The following TLN2 variants were observed in gnomAD, a reference collection of about 807,000 sequenced individuals.
The protein encoded by TLN2 is talin-2.
Under a neutral mutation model 294.7 loss-of-function variants are expected in TLN2, and 118 were observed. That is an observed-to-expected ratio of 0.40 (90% CI 0.34 to 0.47). TLN2 has a LOEUF of 0.47. Ranked by LOEUF, TLN2 falls within the 20% of genes least tolerant of loss-of-function variation. TLN2 has a pLI of 0.84. For missense variants in TLN2, 3,083 were observed against 3,282.2 expected, an observed-to-expected ratio of 0.94 and a Z score of 1.48; for synonymous variants, 1,431 against 1,304.5, an observed-to-expected ratio of 1.10 and a Z score of -2.09.
At chr15:62,462,719 C>G (rs1396655150) in intron 1 of TLN2, among the ~76,000 whole-genome samples, 2 of 152,170 alleles carry the variant, frequency 1.3e-5, no homozygotes, top group African/African-American at 4.8e-5. Context: ...CAGCTGGGCT[C>G]TGGGCTTCCC....
At chr15:62,393,942 A>G (rs906629002) in intron 1 of TLN2, among the ~76,000 whole-genome samples, 17 of 151,272 alleles carry the variant, frequency 1.1e-4, no homozygotes, top group African/African-American at 4.1e-4. Flanking sequence ...TGCCCAGCTA[A>G]TTTTTGTATT....
At chr15:62,396,764 G>C (rs2032583563) in intron 1 of TLN2, among the ~76,000 whole-genome samples, 1 of 151,998 alleles carries the variant, frequency 6.6e-6, no homozygotes, top group African/African-American at 2.4e-5. Flanking sequence ...GAGTGCAGTG[G>C]CATGATCTTG....
At chr15:62,665,518 C>T (rs765582866) in intron 9 of TLN2, among the ~76,000 whole-genome samples, 1 of 152,168 alleles carries the variant, frequency 6.6e-6, no homozygotes, top group Non-Finnish European at 1.5e-5. Flanking sequence ...AAGAAATTGT[C>T]CAAGGGCTGA....
chr15:62,411,430 TGTGTGTGTG>T (rs1168641732), intron 1 of TLN2, among the ~76,000 whole-genome samples: 1 of 8,736 alleles, frequency 1.1e-4, no homozygotes, highest in African/African-American at 2.0e-4. Context: ...GAGTAATGGA[TGTGTGTGTG>T]TGTGTGTGTG....
At position 62,468,757 on chromosome 15, in the gene TLN2, A is replaced by AAT. The variant is rs771767821; in HGVS notation, c.-238+78073_-238+78074insTA. Among the ~76,000 whole-genome samples, 128 of 82,342 alleles carry AAT rather than the reference A, an allele frequency of 1.6e-3. 1 individual carries two copies. The highest frequency in any genetic ancestry group is 0.015 in the East Asian group (48 of 3,172). The allele number at this position is 82,342 out of a possible 152,430, so 54.0% of individuals were successfully genotyped here. ...TAGACTCTGTCTCAAAAAAAAAATAAAAATAAAAAAAATACAAAAATAAAA... is the reference window on the plus strand; with the variant it reads ...TAGACTCTGTCTCAAAAAAAAAATAAATAAATAAAAAAAATACAAAAATAAAA... On this transcript the variant is annotated intron_variant, in intron 1 of 58. Transcript: ENST00000636159.
At chr15:62,613,628 G>A (rs933004900) in intron 2 of TLN2, among the ~76,000 whole-genome samples, 4 of 152,070 alleles carry the variant, frequency 2.6e-5, no homozygotes, top group Non-Finnish European at 4.4e-5. Flanking sequence ...TCACATGAAC[G>A]TCAAAGGCAG....
At chr15:62,712,725 A>T (rs1567429137) in intron 22 of TLN2, among the ~76,000 whole-genome samples, 1 of 150,110 alleles carries the variant, frequency 6.7e-6, no homozygotes, top group African/African-American at 2.4e-5. Flanking sequence ...GGTAGGACTC[A>T]GTGTGTGTGT....
chr15:62,401,797 T>C (rs1470925375), intron 1 of TLN2, among the ~76,000 whole-genome samples: 3 of 152,162 alleles, frequency 2.0e-5, no homozygotes, highest in Non-Finnish European at 4.4e-5. Flanking sequence ...CTTGACCAAC[T>C]CTCTTTCAGT....
intron 1 of TLN2, among the ~76,000 whole-genome samples, chr15:62,531,024 A>G (rs184954955): frequency 1.4e-4 from 22 of 152,260 alleles, no homozygotes; most frequent in African/African-American, 5.3e-4. Flanking sequence ...TCTTTATAGT[A>G]TGTATTGCCA....
At chr15:62,736,748 A>G in intron 28 of TLN2, 130 bp from the exon 29 acceptor site, 1 of 1,020,900 alleles carries the variant, frequency 9.8e-7, no homozygotes, top group South Asian at 1.7e-5. Context: ...AAACACAGCA[A>G]TTCAAATTTT....
chr15:62,427,304 G>A (rs1460871446), intron 1 of TLN2, among the ~76,000 whole-genome samples: 1 of 152,204 alleles, frequency 6.6e-6, no homozygotes, highest in Non-Finnish European at 1.5e-5. Context: ...TGTGGGTCCA[G>A]CACAGATCTA....
At chr15:62,589,216 G>C (rs1035578561) in intron 1 of TLN2, among the ~76,000 whole-genome samples, 4 of 152,096 alleles carry the variant, frequency 2.6e-5, no homozygotes, top group African/African-American at 9.7e-5. Context: ...GTGCCTTAGA[G>C]AACCAGGAGC....
At position 62,736,181 on chromosome 15, in the gene TLN2, G is replaced by A. The variant is rs546913625; in HGVS notation, c.3359-697G>A. Among the ~76,000 whole-genome samples, 6 of 152,148 alleles carry A rather than the reference G, an allele frequency of 3.9e-5. No homozygotes were observed. In the East Asian group the frequency reaches 5.8e-4, roughly 15 times the overall value. On this transcript the variant is annotated intron_variant, in intron 28 of 58. Coordinates refer to ENST00000636159, the MANE Select transcript of TLN2 (RefSeq NM_015059.3). ...GAAAATACAAAAAAATTAGCCGGGC[G>A]TGGTGATGGGCATCTGTAGTCCCAG...
intron 9 of TLN2, among the ~76,000 whole-genome samples, chr15:62,673,322 T>TTTC (rs796836543): frequency 7.1e-6 from 1 of 140,126 alleles, no homozygotes; most frequent in African/African-American, 2.7e-5. Flanking sequence ...TTTTTTTTTT[T>TTTC]TTTTTTGCAA....
chr15:62,815,875 T>G (rs2067071204), intron 52 of TLN2, among the ~76,000 whole-genome samples: 1 of 152,242 alleles, frequency 6.6e-6, no homozygotes, highest in Non-Finnish European at 1.5e-5. Context: ...CTGTTCCCAC[T>G]CCTATTCTCT....
chr15:62,712,907 G>A (rs2059513394), intron 22 of TLN2, among the ~76,000 whole-genome samples: 1 of 152,066 alleles, frequency 6.6e-6, no homozygotes, highest in African/African-American at 2.4e-5. Context: ...TGTGAAAAAA[G>A]AAAATAAAAA....
At chr15:62,694,037 C>A (rs967094315) in intron 13 of TLN2, among the ~76,000 whole-genome samples, 1 of 143,998 alleles carries the variant, frequency 6.9e-6, no homozygotes, top group Non-Finnish European at 1.5e-5. Context: ...GGCGCTGTCT[C>A]GGCTCACTGC....
At chr15:62,506,282 G>A (rs1452321140) in intron 1 of TLN2, among the ~76,000 whole-genome samples, 1 of 152,144 alleles carries the variant, frequency 6.6e-6, no homozygotes, top group Non-Finnish European at 1.5e-5. Flanking sequence ...CTGGTATGAG[G>A]GTTTAGGCTA....
At chr15:62,402,026 A>G (rs2033062464) in intron 1 of TLN2, among the ~76,000 whole-genome samples, 1 of 152,196 alleles carries the variant, frequency 6.6e-6, no homozygotes, top group South Asian at 2.1e-4. Context: ...AAATGTCAGT[A>G]GTCCCAGGGT....
Sources: allele counts gnomAD v4.1 joint callset (sites outside exome capture counted in the v4.1 genomes callset), GRCh38; gene constraint gnomAD v4.1.1; transcripts MANE v1.5; gene names NCBI Gene and HGNC (gene_info 2026-07-23, HGNC 2026-07-21).